The following GTF2I variants were observed in gnomAD, a reference collection of about 807,000 sequenced individuals.
GTF2I encodes general transcription factor IIi, also known as general transcription factor II-I.
Under a neutral mutation model 67.6 loss-of-function variants are expected in GTF2I, and 12 were observed. That is an observed-to-expected ratio of 0.18 (90% CI 0.11 to 0.29). GTF2I has a LOEUF of 0.29. Ranked by LOEUF, GTF2I falls within the 10% of genes least tolerant of loss-of-function variation. The probability of loss-of-function intolerance (pLI) is 1.00; values close to 1 mark genes in which losing one functional copy is unlikely to be tolerated. For synonymous variants in GTF2I, 149 were observed against 197.0 expected (o/e 0.76, Z 2.04); for missense variants, 271 against 580.1 (o/e 0.47, Z 5.47).
chr7:74,665,706 T>A (rs1407884517), intron 1 of GTF2I, among the ~76,000 whole-genome samples: 5 of 152,208 alleles, frequency 3.3e-5, no homozygotes, highest in Admixed American at 2.0e-4. Flanking sequence ...TTTGGGAAAT[T>A]GAGGAAGCGA....
intron 7 of GTF2I, among the ~76,000 whole-genome samples, chr7:74,706,039 A>G (rs34997674): frequency 0.86 from 130,322 of 151,810 alleles, 56,183 homozygotes; most frequent in East Asian, 0.97. Flanking sequence ...TGCAACCTCC[A>G]CCTCCCGGAT....
intron 11 of GTF2I, chr7:74,717,187 A>C: frequency 2.9e-6 from 1 of 350,554 alleles, no homozygotes; most frequent in Non-Finnish European, 5.0e-6. Context: ...AAGCTCTTAC[A>C]TGATGCAAAA....
At chr7:74,677,781 C>CAAAAAAAAAAAAA (rs67938540) in intron 1 of GTF2I, among the ~76,000 whole-genome samples, 3 of 72,148 alleles carry the variant, frequency 4.2e-5, no homozygotes, top group African/African-American at 1.2e-4. Flanking sequence ...GATTCTGTCT[C>CAAAAAAAAAAAAA]AAAAAAAAAA....
At position 74,749,019 on chromosome 7, in the gene GTF2I, A is replaced by AT; in HGVS notation, c.2171-5dup. On this transcript the variant is annotated splice_region_variant and splice_polypyrimidine_tract_variant and intron_variant, in intron 24 of 34. Coordinates refer to ENST00000573035, the MANE Select transcript of GTF2I (RefSeq NM_032999.4). ...GCAATTTAACTCTCTTATGTTTTAT[A>AT]TGCAGAGGCCTGGAATGCCAAAATC... The AT allele has an allele frequency of 3.6e-6, 1 of 275,856 alleles. No individual in the cohort carries two copies. Among genetic ancestry groups the AT allele is most frequent in the African/African-American group, 3.8e-5 (1 of 26,304 alleles). The allele number at this position is 275,856 out of a possible 1,614,324, so 17.1% of individuals were successfully genotyped here.
At chr7:74,686,431 G>A (rs587722466) in intron 1 of GTF2I, among the ~76,000 whole-genome samples, 1 of 152,274 alleles carries the variant, frequency 6.6e-6, no homozygotes, top group East Asian at 1.9e-4. Context: ...CTAGTTTCAT[G>A]TTCTGACTGT....
At chr7:74,673,211 A>G (rs1284424609) in intron 1 of GTF2I, among the ~76,000 whole-genome samples, 3 of 152,152 alleles carry the variant, frequency 2.0e-5, no homozygotes, top group African/African-American at 7.2e-5. Context: ...TCCTCATAGC[A>G]ATCCTGAGAT....
chr7:74,704,197 A>G (rs1006557375), intron 6 of GTF2I, among the ~76,000 whole-genome samples: 2 of 152,052 alleles, frequency 1.3e-5, no homozygotes, highest in African/African-American at 4.8e-5. Flanking sequence ...ATCTCTTTTA[A>G]GATGGAGAAA....
chr7:74,734,503 C>CCT (rs1479617336), intron 16 of GTF2I, among the ~76,000 whole-genome samples: 12 of 152,028 alleles, frequency 7.9e-5, no homozygotes, highest in Non-Finnish European at 1.8e-4. Context: ...CTCACTGCAA[C>CCT]CTCCCGCCTC....
In GTF2I at chr7:74,721,292, C is replaced by T. The variant is rs757261787; in HGVS notation, c.943+2351C>T. On this transcript the variant is annotated intron_variant, in intron 12 of 34. Coordinates refer to ENST00000573035, the MANE Select transcript of GTF2I (RefSeq NM_032999.4). ...CTGACCTCAGGTGATCTGCCCACCT[C>T]GGCTTCCCAAAGTGCTGGGATTACA... 6.5e-4 allele frequency among the ~76,000 whole-genome samples: 99 copies of T among 152,302 alleles called. 1 individual carries two copies. The highest frequency in any genetic ancestry group is 1.3e-3 in the Non-Finnish European group (87 of 68,024).
intron 14 of GTF2I, among the ~76,000 whole-genome samples, chr7:74,730,631 A>AT (rs1370347037): frequency 5.7e-5 from 7 of 123,168 alleles, no homozygotes; most frequent in South Asian, 5.6e-4. Context: ...ATTAAAAATT[A>AT]TTTTTTTAAC....
intron 23 of GTF2I, 45 bp downstream of exon 23, chr7:74,746,456 CTAATTA>C: frequency 2.0e-5 from 1 of 49,558 alleles, no homozygotes. Context: ...CTCTAGTTTA[CTAATTA>C]TGTCAGTTCA....
In GTF2I at chr7:74,691,115, AGCATTGTATTTTTATCTTTT is replaced by A. The variant is rs781964246; in HGVS notation, c.238+10_238+29del. On this transcript the variant is annotated splice_donor_5th_base_variant and intron_variant, in intron 3 of 34. Coordinates refer to ENST00000573035, the MANE Select transcript of GTF2I (RefSeq NM_032999.4). ...CAAAAAGATTTTGTAAAATATTGTA[AGCATTGTATTTTTATCTTTT>A]GCATTTCATTAATTTTAAGCCTAAA... 1.4e-5 allele frequency: 22 copies of A among 1,582,622 alleles called. No individual in the cohort carries two copies. Among genetic ancestry groups the A allele is most frequent in the Non-Finnish European group, 1.9e-5 (22 of 1,155,182 alleles).
chr7:74,676,454 AAAAC>A (rs1470301188), intron 1 of GTF2I, among the ~76,000 whole-genome samples: 19 of 152,220 alleles, frequency 1.2e-4, no homozygotes, highest in South Asian at 4.1e-4. Flanking sequence ...CCTTATCTGA[AAAAC>A]AAACAAACAA....
At chr7:74,723,524 G>A (rs1226691201) in intron 12 of GTF2I, among the ~76,000 whole-genome samples, 1 of 142,198 alleles carries the variant, frequency 7.0e-6, no homozygotes, top group African/African-American at 2.6e-5. Flanking sequence ...TCCGCCTCCT[G>A]GGTTCAAGTG....
intron 3 of GTF2I, among the ~76,000 whole-genome samples, chr7:74,694,999 G>T (rs1166378771): frequency 1.3e-5 from 2 of 152,188 alleles, no homozygotes; most frequent in Non-Finnish European, 2.9e-5. Flanking sequence ...GTTGTTCACC[G>T]AATATTTTAA....
At chr7:74,718,606 C>T (rs949775009) in intron 11 of GTF2I, among the ~76,000 whole-genome samples, 2 of 152,236 alleles carry the variant, frequency 1.3e-5, no homozygotes, top group African/African-American at 4.8e-5. Context: ...GTCATATCCT[C>T]ATTCCTCCAA....
At chr7:74,733,167 A>T (rs1794632045) in intron 15 of GTF2I, among the ~76,000 whole-genome samples, 1 of 119,486 alleles carries the variant, frequency 8.4e-6, no homozygotes, top group Admixed American at 9.3e-5. Flanking sequence ...GTGATTCACC[A>T]TGTTGGCCAG....
chr7:74,659,699 C>T (rs1455173058), intron 1 of GTF2I, among the ~76,000 whole-genome samples: 5 of 152,018 alleles, frequency 3.3e-5, no homozygotes, highest in Non-Finnish European at 1.5e-5. Context: ...CCCTGGGTCA[C>T]GCCTGGCTAA....
intron 6 of GTF2I, among the ~76,000 whole-genome samples, chr7:74,703,921 A>G (rs1306658786): frequency 2.0e-5 from 3 of 152,174 alleles, no homozygotes; most frequent in African/African-American, 7.2e-5. Flanking sequence ...TTCCCTCAAG[A>G]TATCCTTGTT....
Sources: allele counts gnomAD v4.1 joint callset (sites outside exome capture counted in the v4.1 genomes callset), GRCh38; gene constraint gnomAD v4.1.1; transcripts MANE v1.5; gene names NCBI Gene and HGNC (gene_info 2026-07-23, HGNC 2026-07-21).